Variants in LILRB4 observed in about 807,000 individuals in gnomAD.
The protein encoded by LILRB4 is leukocyte immunoglobulin-like receptor subfamily B member 4.
In LILRB4, 49 loss-of-function variants were observed where a neutral mutation model predicts 55.2. The observed-to-expected ratio is 0.89, with a 90% CI of 0.71 to 1.13. The LOEUF (loss-of-function observed/expected upper bound fraction) is 1.13. LILRB4 is among the 50% of genes most tolerant of loss of function. LILRB4 has a pLI of 0.00. For synonymous variants in LILRB4, 229 were observed against 213.8 expected, an observed-to-expected ratio of 1.07 and a Z score of -0.62; for missense variants, 590 against 555.2, an observed-to-expected ratio of 1.06 and a Z score of -0.63.
At position 54,666,575 on chromosome 19, in the gene LILRB4, G is replaced by C; in HGVS notation, c.989-122G>C. On this transcript the variant is annotated intron_variant, in intron 9 of 11. Coordinates refer to ENST00000430952, the Ensembl canonical transcript of LILRB4. This position sits in a 1 kb window ranked among gnomAD's most constrained non-coding sequence, Gnocchi z 4.8. ...GTCTGAACCCACATTGTGGGACCTC[G>C]GGGACATCACAGCCCCTCCCTGCGT... 7.0e-7 allele frequency: 1 copy of C among 1,423,562 alleles called. No individual in the cohort carries two copies. Among genetic ancestry groups the C allele is most frequent in the Non-Finnish European group, 9.8e-7 (1 of 1,021,032 alleles). 88.2% of individuals were successfully genotyped at this position (1,423,562 alleles called of 1,614,324 possible). A position where few individuals can be genotyped will look rare whatever the true frequency, so the allele number is the denominator to read the frequency against.
exon 12 of LILRB4, chr19:54,668,344 G>A: frequency 7.4e-6 from 2 of 271,964 alleles, no homozygotes; most frequent in Non-Finnish European, 1.4e-5. Context: ...TTCTAATGAG[G>A]ACAAACAAAA....
rs1568651849 is a variant in LILRB4 at position 54,667,973 on chromosome 19, CCT to C, written c.1302_1303del (p.Pro435SerfsTer2). On this transcript the variant is annotated frameshift_variant, in exon 12 of 12. Transcript: ENST00000430952. LOFTEE classifies it high-confidence loss of function. Reference sequence around the variant, plus strand: ...GAGCCTCCTCCATCCCAGGAAGGGGCCTCTCCAGCTGAGCCCAGTGTCTATGC... The same window carrying C: ...GAGCCTCCTCCATCCCAGGAAGGGGCCTCCAGCTGAGCCCAGTGTCTATGC... 5.0e-6 allele frequency: 8 copies of C among 1,613,828 alleles called. No individual in the cohort carries two copies. In the Admixed American group the frequency reaches 5.0e-5, roughly 10 times the overall value.
At position 54,665,731 on chromosome 19, in the gene LILRB4, G is replaced by C; in HGVS notation, c.758-84G>C. On this transcript the variant is annotated intron_variant, in intron 6 of 11. Transcript: ENST00000430952. The surrounding 1 kb of genome is among the most constrained non-coding windows in gnomAD (Gnocchi z 5.5). Reference sequence around the variant, plus strand: ...TGAGGGTTGGAGGTAATGAAAGAAAGACCCAGCACACACAGTAGGTGCACA... The same window carrying C: ...TGAGGGTTGGAGGTAATGAAAGAAACACCCAGCACACACAGTAGGTGCACA... 1 of 1,477,844 alleles carries C rather than the reference G, an allele frequency of 6.8e-7. No individual in the cohort carries two copies. Among genetic ancestry groups the C allele is most frequent in the Non-Finnish European group, 9.3e-7 (1 of 1,079,850 alleles). 91.5% of individuals were successfully genotyped at this position (1,477,844 alleles called of 1,614,324 possible).
At chr19:54,664,290 C>T (rs764299534) in exon 4 of LILRB4, 23 of 1,613,982 alleles carry the variant, frequency 1.4e-5, no homozygotes, top group African/African-American at 4.0e-5. Context: ...GGACACTTTT[C>T]TTCTGATCAA....
chr19:54,665,667 G>T lies in LILRB4; in HGVS notation c.758-148G>T. The T allele has an allele frequency of 2.0e-6, 2 of 1,005,534 alleles. No homozygotes were observed. The highest frequency in any genetic ancestry group is 3.1e-6 in the Non-Finnish European group (2 of 652,616). 62.3% of individuals were successfully genotyped at this position (1,005,534 alleles called of 1,614,324 possible). ...CTCAGTTTGTGCATCTGTGAAATGG[G>T]TGGAGAGAGGGTGGCAATCTCAGGT... On this transcript the variant is annotated intron_variant, in intron 6 of 11. Coordinates refer to ENST00000430952, the Ensembl canonical transcript of LILRB4. The surrounding 1 kb of genome is among the most constrained non-coding windows in gnomAD (Gnocchi z 5.5).
In LILRB4 at chr19:54,668,029, G is replaced by C. The variant is rs750862713; in HGVS notation, c.*10G>C. 6 of 1,613,876 alleles carry C rather than the reference G, an allele frequency of 3.7e-6. No individual in the cohort carries two copies. The African/African-American group carries it at 4.0e-5, about 11-fold the overall frequency. ...TCTGGCCATCCACTAATCCAGGGGGGACCCAGACCCCACAAGCCATGGAGA... is the reference window on the plus strand; with the variant it reads ...TCTGGCCATCCACTAATCCAGGGGGCACCCAGACCCCACAAGCCATGGAGA... On this transcript the variant is annotated 3_prime_UTR_variant, in exon 12 of 12. Transcript: ENST00000430952.
At position 54,663,334 on chromosome 19, in the gene LILRB4, C is replaced by T. The variant is rs531656599; in HGVS notation, c.35-198C>T. ...GGTTGCAGGCGCCTGTGGTCCCAGC[C>T]ACTCGGGAGGCTGAGGCAGGAGAAT... On this transcript the variant is annotated intron_variant, in intron 1 of 11. Transcript: ENST00000430952. Among the ~76,000 whole-genome samples, 18 of 149,650 alleles carry T rather than the reference C, an allele frequency of 1.2e-4. No homozygotes were observed. In the South Asian group the frequency reaches 1.7e-3, roughly 14 times the overall value.
Position 54,665,731 on chromosome 19 carries a change from G to A in LILRB4, c.758-84G>A. On this transcript the variant is annotated intron_variant, in intron 6 of 11. Transcript: ENST00000430952. This position sits in a 1 kb window ranked among gnomAD's most constrained non-coding sequence, Gnocchi z 5.5. ...TGAGGGTTGGAGGTAATGAAAGAAA[G>A]ACCCAGCACACACAGTAGGTGCACA... 1 of 1,477,844 alleles carries A rather than the reference G, an allele frequency of 6.8e-7. No individual in the cohort carries two copies. 91.5% of individuals were successfully genotyped at this position (1,477,844 alleles called of 1,614,324 possible).
At position 54,664,866 on chromosome 19, in the gene LILRB4, T is replaced by C; in HGVS notation, c.706+17T>C. 1 of 1,611,104 alleles carries C rather than the reference T, an allele frequency of 6.2e-7. No individual in the cohort carries two copies. The highest frequency in any genetic ancestry group is 8.5e-7 in the Non-Finnish European group (1 of 1,177,418). The stretch of plus-strand genomic sequence containing the variant: ...CAACAGCTGGTGAGTCTCAGAGGCC[T>C]CTGTCCAGAGAGTTTCCAAAGCCCG... On this transcript the variant is annotated intron_variant, in intron 5 of 11. Transcript: ENST00000430952.
chr19:54,666,385 G>T lies in LILRB4; in HGVS notation c.951-14G>T, dbSNP rs750348834. 9 of 1,613,764 alleles carry T rather than the reference G, an allele frequency of 5.6e-6. No homozygotes were observed. The highest frequency in any genetic ancestry group is 7.6e-6 in the Non-Finnish European group (9 of 1,179,772). The stretch of plus-strand genomic sequence containing the variant: ...CACCTCACTGTCCCCTTACACTCCC[G>T]TATCCTCCCCCAGGTCCAGCCCAGC... On this transcript the variant is annotated splice_polypyrimidine_tract_variant and intron_variant, in intron 8 of 11. Coordinates refer to ENST00000430952, the Ensembl canonical transcript of LILRB4. The surrounding 1 kb of genome is among the most constrained non-coding windows in gnomAD (Gnocchi z 4.8).
Position 54,665,776 on chromosome 19 carries a change from A to G in LILRB4, c.758-39A>G. On this transcript the variant is annotated intron_variant, in intron 6 of 11. Coordinates refer to ENST00000430952, the Ensembl canonical transcript of LILRB4. The surrounding 1 kb of genome is among the most constrained non-coding windows in gnomAD (Gnocchi z 5.5). ...TGCACACACAGTAGGTGTGCACATCAATGACATCATCCCCATTCCTGATGT... is the reference window on the plus strand; with the variant it reads ...TGCACACACAGTAGGTGTGCACATCGATGACATCATCCCCATTCCTGATGT... The G allele has an allele frequency of 6.4e-7, 1 of 1,566,514 alleles. No homozygotes were observed. Among genetic ancestry groups the G allele is most frequent in the African/African-American group, 1.4e-5 (1 of 73,614 alleles).
chr19:54,664,592 G>A lies in LILRB4; in HGVS notation c.655+107G>A, dbSNP rs920803656. The A allele has an allele frequency of 2.8e-5, 35 of 1,263,336 alleles. No homozygotes were observed. In the Admixed American group the frequency reaches 7.6e-4, roughly 28 times the overall value. The allele number at this position is 1,263,336 out of a possible 1,614,324, so 78.3% of individuals were successfully genotyped here. On this transcript the variant is annotated intron_variant, in intron 4 of 11. Transcript: ENST00000430952. Reference sequence around the variant, plus strand: ...AGGGAGAGGGGCTCAGCCAGTGGGGGACTCAGCCCTCAGAGGGGAGGAGGA... The same window carrying A: ...AGGGAGAGGGGCTCAGCCAGTGGGGAACTCAGCCCTCAGAGGGGAGGAGGA...
exon 4 of LILRB4, chr19:54,664,269 C>A (rs200990991): frequency 6.2e-7 from 1 of 1,614,026 alleles, no homozygotes; most frequent in African/African-American, 1.3e-5. Context: ...GTGTCAGTCA[C>A]GGAGCCCAAT....
At position 54,666,995 on chromosome 19, in the gene LILRB4, C is replaced by A; in HGVS notation, c.1041+246C>A. On this transcript the variant is annotated intron_variant, in intron 10 of 11. Coordinates refer to ENST00000430952, the Ensembl canonical transcript of LILRB4. This position sits in a 1 kb window ranked among gnomAD's most constrained non-coding sequence, Gnocchi z 4.8. ...TTGGCCATCTGGTTGTTAGAGAGCT[C>A]CCCAGGCCTCAGGAGGATGACGAAT... 1.4e-6 allele frequency: 1 copy of A among 699,680 alleles called. No individual in the cohort carries two copies. The highest frequency in any genetic ancestry group is 2.7e-6 in the Non-Finnish European group (1 of 375,712). 43.3% of individuals were successfully genotyped at this position (699,680 alleles called of 1,614,324 possible).
intron 1 of LILRB4, 33 bp from the exon 2 acceptor site, chr19:54,663,499 G>A (rs117878945): frequency 0.018 from 29,503 of 1,610,884 alleles, 340 homozygotes; most frequent in Non-Finnish European, 0.021. Flanking sequence ...TCAGGCTTCC[G>A]GGGCAAATCC....
intron 1 of LILRB4, 133 bp from the exon 2 acceptor site, chr19:54,663,399 T>C (rs1194766900): frequency 6.1e-6 from 8 of 1,302,380 alleles, no homozygotes; most frequent in Non-Finnish European, 7.2e-6. Context: ...TGAGCCAAGA[T>C]CGCACCACCG....
chr19:54,666,135 C>G lies in LILRB4; in HGVS notation c.875-105C>G. On this transcript the variant is annotated intron_variant, in intron 7 of 11. Transcript: ENST00000430952. This position sits in a 1 kb window ranked among gnomAD's most constrained non-coding sequence, Gnocchi z 4.8. ...TTCTAAACTTAGAAAGTATTTAAAA[C>G]ATCCTTGCAAGTGTATTTTCAGGTT... is the stretch of plus-strand genomic sequence containing the variant. 7.8e-7 allele frequency: 1 copy of G among 1,287,388 alleles called. No individual in the cohort carries two copies. The highest frequency in any genetic ancestry group is 1.1e-6 in the Non-Finnish European group (1 of 926,620). The allele number at this position is 1,287,388 out of a possible 1,614,324, so 79.7% of individuals were successfully genotyped here. A position where few individuals can be genotyped will look rare whatever the true frequency, so the allele number is the denominator to read the frequency against.
Position 54,665,187 on chromosome 19 carries a change from G to C in LILRB4, c.757+7G>C. On this transcript the variant is annotated splice_region_variant and intron_variant, in intron 6 of 11. Coordinates refer to ENST00000430952, the Ensembl canonical transcript of LILRB4. The surrounding 1 kb of genome is among the most constrained non-coding windows in gnomAD (Gnocchi z 5.5). ...GGGTCAGTCCCCCACAGTGGTGAGTGAGGGGCTCTGAGTGGGAGGTGGGCA... is the reference window on the plus strand; with the variant it reads ...GGGTCAGTCCCCCACAGTGGTGAGTCAGGGGCTCTGAGTGGGAGGTGGGCA... The C allele has an allele frequency of 6.3e-7, 1 of 1,592,538 alleles. No homozygotes were observed.
exon 4 of LILRB4, chr19:54,664,356 C>A: frequency 6.2e-7 from 1 of 1,614,162 alleles, no homozygotes; most frequent in South Asian, 1.1e-5. Flanking sequence ...AGCTCAGCAG[C>A]ACCAGGCTGA....
Sources: gnomAD v4.1 joint callset for allele counts (sites outside exome capture counted in the v4.1 genomes callset) on GRCh38, gnomAD v4.1.1 for gene constraint, Gnocchi (gnomAD v3.1) non-coding constraint, MANE v1.5 for transcripts, NCBI Gene and HGNC (gene_info 2026-07-23, HGNC 2026-07-21) for gene names.